The following MTG1 variants were observed in gnomAD, a reference collection of about 807,000 sequenced individuals.
MTG1 encodes mitochondrial ribosome associated GTPase 1, also known as mitochondrial ribosome-associated GTPase 1.
MTG1 carries 30 observed loss-of-function variants against 39.5 expected under a neutral mutation model. The ratio of observed to expected loss-of-function variants is 0.76; its 90% CI spans 0.57 to 1.03. The LOEUF (loss-of-function observed/expected upper bound fraction) is 1.03, where lower values mean the gene tolerates loss of function less well. Ranked by LOEUF, MTG1 falls within the 50% of genes least tolerant of loss-of-function variation. The pLI, the probability that MTG1 is intolerant of heterozygous loss-of-function variation, is 0.00. For missense variants in MTG1, 513 were observed against 447.4 expected (o/e 1.15, Z -1.32); for synonymous variants, 217 against 179.0 (o/e 1.21, Z -1.69).
chr10:133,422,242 G>A lies in MTG1; in HGVS notation c.*2077G>A. The A allele has an allele frequency of 6.6e-6, 1 of 152,514 alleles. No individual in the cohort carries two copies. The highest frequency in any genetic ancestry group is 1.5e-5 in the Non-Finnish European group (1 of 68,170). The allele number at this position is 152,514 out of a possible 1,614,324, so 9.4% of individuals were successfully genotyped here. A position where few individuals can be genotyped will look rare whatever the true frequency, so the allele number is the denominator to read the frequency against. On this transcript the variant is annotated 3_prime_UTR_variant, in exon 11 of 11. Transcript: ENST00000317502. ...GGCTCCACTGAGCAGGCCGTCAGCT[G>A]CCAGCCCACCACGCGGATACCCAGG... is the stretch of plus-strand genomic sequence containing the variant.
At chr10:133,395,158 G>A (rs1237348952) in intron 1 of MTG1, among the ~76,000 whole-genome samples, 1 of 152,186 alleles carries the variant, frequency 6.6e-6, no homozygotes, top group East Asian at 1.9e-4. Context: ...TACTTTGGGA[G>A]GCCGAGGTGG....
intron 9 of MTG1, among the ~76,000 whole-genome samples, chr10:133,403,087 G>A (rs1849912226): frequency 1.7e-5 from 2 of 119,786 alleles, no homozygotes; most frequent in African/African-American, 6.6e-5. Flanking sequence ...GAGCGTTCCC[G>A]TCACCCCCAG....
At chr10:133,399,110 A>G (rs1001303590) in intron 4 of MTG1, 60 bp from the exon 5 acceptor site, 1 of 1,577,210 alleles carries the variant, frequency 6.3e-7, no homozygotes, top group African/African-American at 1.4e-5. Context: ...TGGCAGAAGG[A>G]GCGGGTCAGT....
chr10:133,399,083 C>G (rs1849829656), intron 4 of MTG1, 87 bp from the exon 5 acceptor site: 7 of 1,431,126 alleles, frequency 4.9e-6, no homozygotes, highest in Non-Finnish European at 5.9e-6. Flanking sequence ...ACTGGAATCC[C>G]TAATCCTGTT....
At chr10:133,413,473 T>C (rs1324067281) in intron 9 of MTG1, among the ~76,000 whole-genome samples, 1 of 152,166 alleles carries the variant, frequency 6.6e-6, no homozygotes, top group Non-Finnish European at 1.5e-5. Context: ...AGGCTGGTCT[T>C]GAACTCCTGA....
intron 9 of MTG1, among the ~76,000 whole-genome samples, chr10:133,404,075 T>C (rs1453627510): frequency 2.1e-5 from 1 of 47,988 alleles, no homozygotes; most frequent in African/African-American, 4.2e-5. Flanking sequence ...CAAATCCTTT[T>C]CCCTTTTTTT....
At chr10:133,416,510 G>A (rs1386878826) in intron 9 of MTG1, among the ~76,000 whole-genome samples, 4 of 149,330 alleles carry the variant, frequency 2.7e-5, no homozygotes, top group African/African-American at 4.9e-5. Flanking sequence ...CCATTAACTC[G>A]TCATTTAGCA....
In MTG1 at chr10:133,402,827, T is replaced by A. The variant is rs1388426103; in HGVS notation, c.752+54T>A. 104 of 1,031,132 alleles carry A rather than the reference T, an allele frequency of 1.0e-4. No homozygotes were observed. The highest frequency in any genetic ancestry group is 1.2e-4 in the South Asian group (7 of 58,984). The allele number at this position is 1,031,132 out of a possible 1,614,324, so 63.9% of individuals were successfully genotyped here. On this transcript the variant is annotated intron_variant, in intron 9 of 10. Transcript: ENST00000317502. The surrounding 1 kb of genome is among the most constrained non-coding windows in gnomAD (Gnocchi z 4.7). ...GGCCCCTCCTCCTAGTCACCTCATT[T>A]AAAAAAAAAAAACAAACAAAAAAAC...
At chr10:133,401,973 G>A (rs1849884762) in intron 7 of MTG1, 176 bp from the exon 8 acceptor site, 1 of 655,924 alleles carries the variant, frequency 1.5e-6, no homozygotes, top group East Asian at 2.7e-5. Context: ...AAATTAAGTG[G>A]GAATTAGATC....
At chr10:133,401,396 C>T (rs1382705431) in intron 6 of MTG1, 133 bp from the exon 7 acceptor site, 4 of 674,276 alleles carry the variant, frequency 5.9e-6, no homozygotes, top group Non-Finnish European at 9.7e-6. Flanking sequence ...CCCTGCTTGG[C>T]TGGTAAGTTG....
intron 9 of MTG1, among the ~76,000 whole-genome samples, chr10:133,414,894 G>T (rs540503791): frequency 6.6e-6 from 1 of 152,236 alleles, no homozygotes; most frequent in Admixed American, 6.5e-5. Context: ...CTGAGTGAAC[G>T]AGACTCCGTC....
At chr10:133,417,188 G>A (rs974365077) in intron 9 of MTG1, among the ~76,000 whole-genome samples, 1 of 152,054 alleles carries the variant, frequency 6.6e-6, no homozygotes, top group South Asian at 2.1e-4. Flanking sequence ...CCATGATCAA[G>A]TGGGCTTCAT....
In MTG1 at chr10:133,402,754, A is replaced by C. The variant is rs764848239; in HGVS notation, c.733A>C (p.Asn245His). 6.2e-7 allele frequency: 1 copy of C among 1,607,036 alleles called. No individual in the cohort carries two copies. The highest frequency in any genetic ancestry group is 1.3e-5 in the African/African-American group (1 of 74,874). ...GGCTGACTACCTGCTGTACACCCTC[A>C]ACAAACACCAGCGCTTTGGGTGAGT... ...TMADYLLYTL[N>H]KHQRFGYVQH... Residue 245 changes from asparagine to histidine, a missense_variant, in exon 9 of 11, where the codon AAC becomes CAC. Physicochemically the swap from Asn to His is moderately conservative, Grantham distance 68. Transcript: ENST00000317502. The surrounding 1 kb of genome is among the most constrained non-coding windows in gnomAD (Gnocchi z 4.7).
Position 133,402,459 on chromosome 10 carries a change from T to C in MTG1, c.670+214T>C, listed in dbSNP as rs879904719. 5.7e-6 allele frequency: 4 copies of C among 696,050 alleles called. No individual in the cohort carries two copies. Among genetic ancestry groups the C allele is most frequent in the Non-Finnish European group, 7.2e-6 (3 of 414,242 alleles). The allele number at this position is 696,050 out of a possible 1,614,324, so 43.1% of individuals were successfully genotyped here. A position where few individuals can be genotyped will look rare whatever the true frequency, so the allele number is the denominator to read the frequency against. On this transcript the variant is annotated intron_variant, in intron 8 of 10. Coordinates refer to ENST00000317502, the MANE Select transcript of MTG1 (RefSeq NM_138384.4). This position sits in a 1 kb window ranked among gnomAD's most constrained non-coding sequence, Gnocchi z 4.7. ...TTCCACCCTGCCCCATGAGTGGCCT[T>C]CCCTTTCCCCATTTGACGGACCAGG...
intron 10 of MTG1, 49 bp from the exon 11 acceptor site, chr10:133,419,977 C>G (rs1850202874): frequency 6.4e-7 from 1 of 1,567,196 alleles, no homozygotes; most frequent in South Asian, 1.2e-5. Context: ...AGGGCTGGGC[C>G]TGTCCTGCTG....
chr10:133,397,779 G>GTTTT lies in MTG1; in HGVS notation c.283-643_283-640dup, dbSNP rs35859911. Among the ~76,000 whole-genome samples, 73 of 139,498 alleles carry GTTTT rather than the reference G, an allele frequency of 5.2e-4. 1 individual carries two copies. Among genetic ancestry groups the GTTTT allele is most frequent in the South Asian group, 3.1e-3 (13 of 4,146 alleles). The allele number at this position is 139,498 out of a possible 152,430, so 91.5% of individuals were successfully genotyped here. A position where few individuals can be genotyped will look rare whatever the true frequency, so the allele number is the denominator to read the frequency against. ...AGGCGTGAGTCACTGCGTCCAGCCT[G>GTTTT]TTTTTTTTTTTTTTTTAAATCATCG... On this transcript the variant is annotated intron_variant, in intron 3 of 10. Transcript: ENST00000317502.
intron 9 of MTG1, among the ~76,000 whole-genome samples, chr10:133,406,746 A>G (rs1215502626): frequency 6.8e-6 from 1 of 146,016 alleles, no homozygotes; most frequent in Non-Finnish European, 1.5e-5. Flanking sequence ...GCTCGCTGCA[A>G]CCCCTGCTTC....
chr10:133,418,961 C>T (rs550512070), intron 9 of MTG1, among the ~76,000 whole-genome samples: 64 of 152,330 alleles, frequency 4.2e-4, no homozygotes, highest in African/African-American at 1.4e-3. Flanking sequence ...TCAGCCCATG[C>T]TGGTCCCTGT....
At chr10:133,408,381 A>G (rs1469228726) in intron 9 of MTG1, among the ~76,000 whole-genome samples, 2 of 152,250 alleles carry the variant, frequency 1.3e-5, no homozygotes, top group African/African-American at 4.8e-5. Context: ...ATGTTAAACC[A>G]TCCTTGCAAC....
Sources: gnomAD v4.1 joint callset for allele counts (sites outside exome capture counted in the v4.1 genomes callset) on GRCh38, gnomAD v4.1.1 for gene constraint, Gnocchi (gnomAD v3.1) non-coding constraint, MANE v1.5 for transcripts, NCBI Gene and HGNC (gene_info 2026-07-23, HGNC 2026-07-21) for gene names.